Variants in MYO6 observed in about 807,000 individuals in gnomAD.
MYO6 encodes unconventional myosin-VI.
Under a neutral mutation model 178.7 loss-of-function variants are expected in MYO6, and 74 were observed. The observed-to-expected ratio is 0.41, with a 90% CI of 0.34 to 0.50. MYO6 has a LOEUF of 0.50. Among genes scored for constraint, MYO6 ranks in the 20% least tolerant of loss-of-function variants. MYO6 has a pLI of 0.09. For missense variants in MYO6, 1,330 were observed against 1,547.4 expected, an observed-to-expected ratio of 0.86 and a Z score of 2.36; for synonymous variants, 477 against 504.6, an observed-to-expected ratio of 0.95 and a Z score of 0.73.
chr6:75,862,475 T>C lies in MYO6; in HGVS notation c.1547-121T>C, dbSNP rs1403222780. On this transcript the variant is annotated intron_variant, in intron 15 of 34. Coordinates refer to ENST00000369977, the MANE Select transcript of MYO6 (RefSeq NM_004999.4). The stretch of plus-strand genomic sequence containing the variant: ...TCTATAACTTTTGAGAGAACACATA[T>C]AGAATCACATGCTATGTTGTTTCTG... The C allele has an allele frequency of 1.2e-5, 11 of 895,044 alleles. No homozygotes were observed. In the South Asian group the frequency reaches 1.4e-4, roughly 12 times the overall value. 55.4% of individuals were successfully genotyped at this position (895,044 alleles called of 1,614,324 possible). A position where few individuals can be genotyped will look rare whatever the true frequency, so the allele number is the denominator to read the frequency against.
At chr6:75,770,235 C>T (rs774963149) in intron 1 of MYO6, among the ~76,000 whole-genome samples, 17 of 152,210 alleles carry the variant, frequency 1.1e-4, no homozygotes, top group Non-Finnish European at 2.1e-4. Flanking sequence ...CCTGCTTATA[C>T]AGCCTGCAGG....
chr6:75,776,653 AGTGTGTGTGTGTGTGT>A (rs35830759), intron 1 of MYO6, among the ~76,000 whole-genome samples: 3 of 144,760 alleles, frequency 2.1e-5, no homozygotes, highest in African/African-American at 5.1e-5. Flanking sequence ...AGAAACGTGC[AGTGTGTGTGTGTGTGT>A]GTGTGTGTGT....
At chr6:75,848,826 C>T (rs1381817740) in intron 11 of MYO6, among the ~76,000 whole-genome samples, 1 of 151,780 alleles carries the variant, frequency 6.6e-6, no homozygotes, top group Middle Eastern at 3.2e-3. Context: ...TTAAATTTTC[C>T]AGTTATATTA....
At chr6:75,808,004 AAG>A (rs764349509) in intron 1 of MYO6, among the ~76,000 whole-genome samples, 9 of 152,162 alleles carry the variant, frequency 5.9e-5, no homozygotes, top group South Asian at 4.1e-4. Flanking sequence ...TTAACTCTGA[AAG>A]GTTGCCTCGT....
intron 20 of MYO6, among the ~76,000 whole-genome samples, chr6:75,876,480 C>A (rs10498904): frequency 0.23 from 34,769 of 152,024 alleles, 5,175 homozygotes; most frequent in Middle Eastern, 0.39. Flanking sequence ...CTGTTGTATT[C>A]TTCCATAAAG....
chr6:75,805,027 T>A (rs1278028038), intron 1 of MYO6, among the ~76,000 whole-genome samples: 24 of 98,634 alleles, frequency 2.4e-4, no homozygotes, highest in African/African-American at 4.5e-4. Context: ...ATATATTTTT[T>A]TTTTTTTTTT....
In MYO6 at chr6:75,890,083, C is replaced by T. The variant is rs1254627705; in HGVS notation, c.2685C>T (p.Ile895=). The change falls in exon 26 of 35, where the codon ATC becomes ATT. Residue 895 remains isoleucine, a synonymous_variant. Coordinates refer to ENST00000369977, the MANE Select transcript of MYO6 (RefSeq NM_004999.4). The stretch of plus-strand genomic sequence containing the variant: ...CCACTATGATGACGCAGGAACAAAT[C>T]CAGAAAGAATATGATGCACTGGTTA... ...IKSTMMTQEQ[I]QKEYDALVKS... is the part of the protein sequence containing the mutation. 2 of 1,612,592 alleles carry T rather than the reference C, an allele frequency of 1.2e-6. No individual in the cohort carries two copies. Among genetic ancestry groups the T allele is most frequent in the East Asian group, 2.2e-5 (1 of 44,850 alleles).
intron 34 of MYO6, 143 bp downstream of exon 34, chr6:75,914,424 G>A: frequency 1.2e-6 from 1 of 861,760 alleles, no homozygotes; most frequent in Non-Finnish European, 1.8e-6. Flanking sequence ...CACATTTCCA[G>A]TTCAGTGAGG....
intron 30 of MYO6, among the ~76,000 whole-genome samples, chr6:75,905,832 T>G (rs1487689496): frequency 6.6e-6 from 1 of 152,262 alleles, no homozygotes; most frequent in Non-Finnish European, 1.5e-5. Context: ...ATGCTATTTT[T>G]TATTTTCTAG....
intron 1 of MYO6, among the ~76,000 whole-genome samples, chr6:75,800,185 C>A (rs1769304278): frequency 6.6e-6 from 1 of 152,016 alleles, no homozygotes; most frequent in African/African-American, 2.4e-5. Context: ...CCAAACAGTC[C>A]CGTAATAAGA....
intron 30 of MYO6, among the ~76,000 whole-genome samples, chr6:75,899,788 G>C (rs1408246911): frequency 6.7e-6 from 1 of 149,348 alleles, no homozygotes; most frequent in East Asian, 2.0e-4. Flanking sequence ...ACAATGTGCA[G>C]GTTAGTTACA....
chr6:75,822,706 G>A, intron 2 of MYO6, 76 bp from the exon 3 acceptor site: 1 of 1,111,254 alleles, frequency 9.0e-7, no homozygotes, highest in Non-Finnish European at 1.4e-6. Flanking sequence ...TACAGTGTAT[G>A]CAACCAATTA....
chr6:75,870,638 C>G lies in MYO6; in HGVS notation c.1945-9C>G, dbSNP rs780533518. 1 of 1,610,290 alleles carries G rather than the reference C, an allele frequency of 6.2e-7. No homozygotes were observed. Among genetic ancestry groups the G allele is most frequent in the Non-Finnish European group, 8.5e-7 (1 of 1,177,480 alleles). On this transcript the variant is annotated splice_polypyrimidine_tract_variant and intron_variant, in intron 18 of 34. Coordinates refer to ENST00000369977, the MANE Select transcript of MYO6 (RefSeq NM_004999.4). ...TTGAAATAATAAACTGATTTCCTTT[C>G]TTTCACAGACACAGTTAAATTTGCT...
At chr6:75,899,696 A>G (rs1349138684) in intron 30 of MYO6, among the ~76,000 whole-genome samples, 1 of 125,644 alleles carries the variant, frequency 8.0e-6, no homozygotes, top group Non-Finnish European at 1.6e-5. Context: ...ATGGCCACAC[A>G]TTATTCTTTT....
chr6:75,903,413 T>C (rs554208806), intron 30 of MYO6, among the ~76,000 whole-genome samples: 63 of 151,554 alleles, frequency 4.2e-4, no homozygotes, highest in Non-Finnish European at 8.4e-4. Flanking sequence ...GGTGCTCCTG[T>C]ATTGGGTGCA....
chr6:75,781,652 T>C (rs1766990810), intron 1 of MYO6, among the ~76,000 whole-genome samples: 1 of 151,998 alleles, frequency 6.6e-6, no homozygotes, highest in Non-Finnish European at 1.5e-5. Flanking sequence ...GCTCCGTGGG[T>C]GGCTCATGCC....
Position 75,911,700 on chromosome 6 carries a change from T to C in MYO6, c.3439+2T>C. ...TTGCACCATTTTTGAACAATTCACGTAAGTCAATGGGTGGTAACTCATGAG... is the reference window on the plus strand; with the variant it reads ...TTGCACCATTTTTGAACAATTCACGCAAGTCAATGGGTGGTAACTCATGAG... On this transcript the variant is annotated splice_donor_variant, in intron 33 of 34. Coordinates refer to ENST00000369977, the MANE Select transcript of MYO6 (RefSeq NM_004999.4). LOFTEE classifies it high-confidence loss of function. The C allele has an allele frequency of 6.2e-7, 1 of 1,611,564 alleles. No individual in the cohort carries two copies. The highest frequency in any genetic ancestry group is 8.5e-7 in the Non-Finnish European group (1 of 1,177,924).
chr6:75,881,614 C>A, intron 22 of MYO6, 75 bp from the exon 23 acceptor site: 1 of 1,457,102 alleles, frequency 6.9e-7, no homozygotes, highest in Non-Finnish European at 9.5e-7. Context: ...GATTTGAATT[C>A]TGTTTACATC....
chr6:75,855,793 T>G (rs1236749616), intron 12 of MYO6, among the ~76,000 whole-genome samples: 1 of 152,166 alleles, frequency 6.6e-6, no homozygotes, highest in African/African-American at 2.4e-5. Flanking sequence ...TACTTTTGTC[T>G]CCATGTCCTA....
Sources: gnomAD v4.1 joint callset for allele counts (sites outside exome capture counted in the v4.1 genomes callset) on GRCh38, gnomAD v4.1.1 for gene constraint, MANE v1.5 for transcripts, NCBI Gene and HGNC (gene_info 2026-07-23, HGNC 2026-07-21) for gene names.